The following VCF1 variants were observed in gnomAD, a reference collection of about 807,000 sequenced individuals.
The protein encoded by VCF1 is VCP nuclear cofactor family member 1.
At chr17:73,225,944 C>T in the VCF1 span, among the ~76,000 whole-genome samples, 1 of 141,380 alleles carries the variant, frequency 7.1e-6, no homozygotes, top group Admixed American at 7.3e-5. Context: ...CTCTGTTGCC[C>T]AGGCTGGAGT....
the VCF1 span, chr17:73,209,255 G>A: frequency 3.8e-6 from 2 of 532,722 alleles, no homozygotes; most frequent in Non-Finnish European, 6.7e-6. Flanking sequence ...TCAACACACA[G>A]AATGAGTTTT....
chr17:73,219,998 A>C, the VCF1 span, among the ~76,000 whole-genome samples: 2 of 151,884 alleles, frequency 1.3e-5, no homozygotes, highest in African/African-American at 2.4e-5. Context: ...AAAAAAAAAA[A>C]CAAAACTTAA....
the VCF1 span, chr17:73,227,219 G>T: frequency 1.2e-4 from 189 of 1,586,638 alleles, no homozygotes; most frequent in Non-Finnish European, 1.2e-4. Flanking sequence ...TTTTGGTCTG[G>T]GGGGGAAGAT....
the VCF1 span, among the ~76,000 whole-genome samples, chr17:73,210,779 T>A: frequency 0.034 from 4,571 of 133,612 alleles, 262 homozygotes; most frequent in African/African-American, 0.12. Flanking sequence ...TTTTTTTTTT[T>A]AGTAGAGACA....
At chr17:73,227,509 T>C in the VCF1 span, 1 of 687,600 alleles carries the variant, frequency 1.5e-6, no homozygotes, top group Non-Finnish European at 1.9e-6. Context: ...AAAAGAAGCT[T>C]AACAATTTTA....
At chr17:73,224,263 C>CAAAAA in the VCF1 span, among the ~76,000 whole-genome samples, 205 of 103,024 alleles carry the variant, frequency 2.0e-3, 18 homozygotes, top group Middle Eastern at 7.0e-3. Flanking sequence ...GTCGTCTCTC[C>CAAAAA]AAAAAAAAAA....
the VCF1 span, among the ~76,000 whole-genome samples, chr17:73,215,534 A>G: frequency 2.0e-5 from 3 of 152,154 alleles, no homozygotes; most frequent in African/African-American, 7.2e-5. Flanking sequence ...TCAGCCCCAC[A>G]AAGTGCTAGG....
the VCF1 span, chr17:73,209,808 G>A: frequency 6.5e-7 from 1 of 1,535,736 alleles, no homozygotes; most frequent in Non-Finnish European, 8.7e-7. Flanking sequence ...CAATAAGGCT[G>A]TTTTGTTTAA....
At chr17:73,218,683 G>A in the VCF1 span, among the ~76,000 whole-genome samples, 409 of 152,170 alleles carry the variant, frequency 2.7e-3, 3 homozygotes, top group African/African-American at 9.4e-3. Flanking sequence ...TCGGGAGTTC[G>A]AGACCACCCT....
chr17:73,216,779 T>TACATCAA, the VCF1 span, among the ~76,000 whole-genome samples: 2 of 152,144 alleles, frequency 1.3e-5, no homozygotes, highest in African/African-American at 4.8e-5. Flanking sequence ...GCTCAAATGA[T>TACATCAA]ACATCAAAGG....
At chr17:73,222,018 A>G in the VCF1 span, among the ~76,000 whole-genome samples, 1 of 135,284 alleles carries the variant, frequency 7.4e-6, no homozygotes, top group South Asian at 2.5e-4. Context: ...GCCTGGGGAA[A>G]GAGCGAGACT....
At chr17:73,224,955 G>A in the VCF1 span, among the ~76,000 whole-genome samples, 1 of 80,130 alleles carries the variant, frequency 1.2e-5, no homozygotes, top group Non-Finnish European at 2.5e-5. Flanking sequence ...CACAGCACAG[G>A]ACAGGACAGC....
the VCF1 span, among the ~76,000 whole-genome samples, chr17:73,213,020 C>G: frequency 5.3e-5 from 8 of 151,790 alleles, no homozygotes; most frequent in Non-Finnish European, 1.0e-4. Flanking sequence ...CTGAGATGGG[C>G]AGATCATGAG....
At chr17:73,219,592 G>A in the VCF1 span, among the ~76,000 whole-genome samples, 1 of 151,546 alleles carries the variant, frequency 6.6e-6, no homozygotes, top group Non-Finnish European at 1.5e-5. Flanking sequence ...AGAGCTTGCA[G>A]TGAGCGGAGA....
At chr17:73,207,788 C>G in the VCF1 span, 2 of 1,287,530 alleles carry the variant, frequency 1.6e-6, no homozygotes, top group Non-Finnish European at 2.0e-6. Flanking sequence ...GCTCAAACAG[C>G]TTGTCTTCTT....
At chr17:73,227,218 G>A in the VCF1 span, 1 of 1,579,662 alleles carries the variant, frequency 6.3e-7, no homozygotes, top group Non-Finnish European at 8.6e-7. Flanking sequence ...CTTTTGGTCT[G>A]GGGGGGAAGA....
At chr17:73,226,697 TTC>T in the VCF1 span, among the ~76,000 whole-genome samples, 1 of 152,184 alleles carries the variant, frequency 6.6e-6, no homozygotes, top group Admixed American at 6.5e-5. Context: ...AGGAGCTCTT[TTC>T]ACAACAAGAT....
the VCF1 span, chr17:73,209,435 C>T: frequency 4.2e-6 from 6 of 1,436,166 alleles, no homozygotes; most frequent in African/African-American, 1.4e-5. Context: ...AGGCATTTTT[C>T]GTGTGCAATT....
the VCF1 span, among the ~76,000 whole-genome samples, chr17:73,219,300 T>C: frequency 2.0e-4 from 30 of 150,732 alleles, 1 homozygote; most frequent in South Asian, 6.3e-4. Context: ...GCAAAGTAAA[T>C]GTATTCTATA....
Sources: gnomAD v4.1 joint callset for allele counts (sites outside exome capture counted in the v4.1 genomes callset) on GRCh38, gnomAD v4.1.1 for gene constraint, MANE v1.5 for transcripts, NCBI Gene and HGNC (gene_info 2026-07-23, HGNC 2026-07-21) for gene names.